BPTF: variants seen among roughly 807,000 people sequenced by gnomAD.
BPTF encodes the protein bromodomain PHD finger transcription factor.
In BPTF, 18 loss-of-function variants were observed where a neutral mutation model predicts 292.5. The observed-to-expected ratio is 0.06, with a 90% confidence interval of 0.04 to 0.09. The LOEUF is 0.09. Among genes scored for constraint, BPTF ranks in the 10% least tolerant of loss-of-function variants. The probability of loss-of-function intolerance (pLI) is 1.00; values close to 1 mark genes in which losing one functional copy is unlikely to be tolerated. For synonymous variants in BPTF, 1,225 were observed against 1,251.9 expected, an observed-to-expected ratio of 0.98 and a Z score of 0.45; for missense variants, 2,726 against 3,498.7, an observed-to-expected ratio of 0.78 and a Z score of 5.57.
At chr17:67,861,053 A>C (rs1367592357) in intron 2 of BPTF, among the ~76,000 whole-genome samples, 4 of 152,146 alleles carry the variant, frequency 2.6e-5, no homozygotes, top group Non-Finnish European at 4.4e-5. Context: ...CAAGGCAGGC[A>C]CCTCAAACGT....
chr17:67,932,878 T>G (rs1342396387), intron 18 of BPTF, among the ~76,000 whole-genome samples: 1 of 152,068 alleles, frequency 6.6e-6, no homozygotes, highest in African/African-American at 2.4e-5. Flanking sequence ...ATGGCCCTAC[T>G]GATACTGGGC....
rs2062709475 is a variant in BPTF, at chr17:67,912,346, C to T, written c.4462C>T (p.Leu1488=). The change falls in exon 11 of 28, where the codon CTG becomes TTG. Residue 1488 remains leucine (L), a synonymous_variant. Coordinates refer to ENST00000306378, the MANE Select transcript of BPTF (RefSeq NM_182641.4). ...CAGCTCCGAAACAAAATCGCATTTG[C>T]TGAGTTCTTCAGATGCTGAAGGTAA... ...RNSSETKSHL[L]SSSDAEGNYR... 3 of 1,614,004 alleles carry T rather than the reference C, an allele frequency of 1.9e-6. No individual in the cohort carries two copies. The highest frequency in any genetic ancestry group is 2.5e-6 in the Non-Finnish European group (3 of 1,179,958).
chr17:67,939,043 G>A (rs1439930300), intron 18 of BPTF, among the ~76,000 whole-genome samples: 3 of 152,168 alleles, frequency 2.0e-5, no homozygotes, highest in Non-Finnish European at 4.4e-5. Context: ...GGCACACAGA[G>A]CTGGCAGTAG....
intron 1 of BPTF, among the ~76,000 whole-genome samples, chr17:67,849,055 C>T (rs2058226996): frequency 6.6e-6 from 1 of 152,172 alleles, no homozygotes; most frequent in South Asian, 2.1e-4. Context: ...AATCGTGCCT[C>T]CTGAGGCATC....
chr17:67,881,354 T>G (rs2060387832), intron 4 of BPTF, among the ~76,000 whole-genome samples: 2 of 152,102 alleles, frequency 1.3e-5, no homozygotes, highest in African/African-American at 4.8e-5. Flanking sequence ...TTAATTGATA[T>G]TGTATCCCAT....
At chr17:67,868,576 T>G (rs2059523958) in intron 3 of BPTF, among the ~76,000 whole-genome samples, 1 of 152,238 alleles carries the variant, frequency 6.6e-6, no homozygotes, top group South Asian at 2.1e-4. Context: ...GGGCTGACTA[T>G]AGTGCCTTTT....
chr17:67,979,744 A>G (rs142726031), intron 27 of BPTF, among the ~76,000 whole-genome samples: 1 of 152,246 alleles, frequency 6.6e-6, no homozygotes, highest in East Asian at 1.9e-4. Flanking sequence ...AAATAGCAGT[A>G]TAAGAAATTA....
In BPTF at chr17:67,972,863, G is replaced by A. The variant is rs1011768521; in HGVS notation, c.8540-2909G>A. On this transcript the variant is annotated intron_variant, in intron 26 of 27. Transcript: ENST00000306378. ...AACCAAGAATGTCCTAGTGTGATGT[G>A]TGCGTTCTTTCCTGAACACCTTACA... Among the ~76,000 whole-genome samples the A allele has an allele frequency of 2.0e-5, 3 of 151,666 alleles. No individual in the cohort carries two copies. In the East Asian group the frequency reaches 5.8e-4, roughly 29 times the overall value.
intron 1 of BPTF, among the ~76,000 whole-genome samples, chr17:67,852,438 C>T (rs889951134): frequency 1.3e-5 from 2 of 148,924 alleles, no homozygotes; most frequent in African/African-American, 5.1e-5. Flanking sequence ...TATATATATA[C>T]CTTATCACTA....
At chr17:67,919,891 A>T in intron 12 of BPTF, 124 bp from the exon 13 acceptor site, 1 of 827,240 alleles carries the variant, frequency 1.2e-6, no homozygotes, top group Non-Finnish European at 1.9e-6. Context: ...TGATCCTGTT[A>T]ATTAAGTCAG....
At chr17:67,979,923 C>T (rs1428706897) in intron 27 of BPTF, among the ~76,000 whole-genome samples, 2 of 151,908 alleles carry the variant, frequency 1.3e-5, no homozygotes, top group East Asian at 1.9e-4. Flanking sequence ...GCTTATAAGT[C>T]TCAGCTACTT....
rs2143456622 is a variant in BPTF at position 67,826,088 on chromosome 17, A to C, written c.364A>C (p.Asn122His). ...GACCACCGCGGCCCGGAGGGCCGTC[A>C]ACAAAGTGGTGTACGATGACCACGA... is the stretch of plus-strand genomic sequence containing the variant. ...ARTTAARRAVNKVVYDDHESE... is the reference protein window; with the variant it reads ...ARTTAARRAVHKVVYDDHESE... Residue 122 changes from asparagine to histidine, a missense_variant, in exon 1 of 28, where the codon AAC (asparagine) becomes CAC (histidine). Transcript: ENST00000306378. 1 of 1,329,190 alleles carries C rather than the reference A, an allele frequency of 7.5e-7. No homozygotes were observed. The highest frequency in any genetic ancestry group is 1.5e-5 in the African/African-American group (1 of 66,982). The allele number at this position is 1,329,190 out of a possible 1,614,324, so 82.3% of individuals were successfully genotyped here.
chr17:67,979,883 TA>T (rs1174722268), intron 27 of BPTF, among the ~76,000 whole-genome samples: 1 of 146,764 alleles, frequency 6.8e-6, no homozygotes. Flanking sequence ...TACACTAAAA[TA>T]AAAAAATTAG....
Position 67,866,613 on chromosome 17 carries a change from G to A in BPTF, c.1586G>A (p.Arg529Gln), listed in dbSNP as rs375214270. 4 of 1,613,802 alleles carry A rather than the reference G, an allele frequency of 2.5e-6. No homozygotes were observed. The highest frequency in any genetic ancestry group is 1.3e-5 in the African/African-American group (1 of 74,904). The change falls in exon 3 of 28, where the codon CGA (arginine) becomes CAA (glutamine). Residue 529 changes from arginine (R) to glutamine (Q), a missense_variant. By Grantham distance (43) the Arg-to-Gln change is conservative. This residue lies in a region of BPTF where 187 missense variants were observed against 201.5 expected (regional missense o/e 0.93). Coordinates refer to ENST00000306378, the MANE Select transcript of BPTF (RefSeq NM_182641.4). ...GAAGAAATGCGTGAAGAAATCCACC[G>A]ACACATGGACATAACTGAAGACCTG... The part of the protein sequence containing the change: ...ILEEMREEIH[R>Q]HMDITEDLTN...
intron 2 of BPTF, among the ~76,000 whole-genome samples, chr17:67,859,871 A>G (rs1208652564): frequency 6.6e-6 from 1 of 152,222 alleles, no homozygotes; most frequent in Non-Finnish European, 1.5e-5. Context: ...AGCAAAATAT[A>G]TACTATTCGA....
rs117725031 is a variant in BPTF, at chr17:67,936,452, G to A, written c.6260-3987G>A. On this transcript the variant is annotated intron_variant, in intron 18 of 27. Transcript: ENST00000306378. ...GTTGTGGTAAATTGCCAGAGAAACTGTAAATGCTGGTATTACTATGGATAC... is the reference window on the plus strand; with the variant it reads ...GTTGTGGTAAATTGCCAGAGAAACTATAAATGCTGGTATTACTATGGATAC... Among the ~76,000 whole-genome samples the A allele has an allele frequency of 5.9e-5, 9 of 152,292 alleles. No individual in the cohort carries two copies. The East Asian group carries it at 1.7e-3, about 29-fold the overall frequency.
At position 67,949,280 on chromosome 17, in the gene BPTF, A is replaced by G. The variant is rs555014646; in HGVS notation, c.7926+974A>G. Among the ~76,000 whole-genome samples, 3 of 152,200 alleles carry G rather than the reference A, an allele frequency of 2.0e-5. No individual in the cohort carries two copies. The South Asian group carries it at 6.2e-4, about 32-fold the overall frequency. On this transcript the variant is annotated intron_variant, in intron 23 of 27. Transcript: ENST00000306378. ...CTTGGGAGGCTAAGGCAGGATGATC[A>G]CTTGAACCCGGAAAGCAGAGGTTGC...
At chr17:67,864,980 G>A (rs1274696391) in intron 2 of BPTF, among the ~76,000 whole-genome samples, 2 of 151,862 alleles carry the variant, frequency 1.3e-5, no homozygotes, top group African/African-American at 2.4e-5. Flanking sequence ...AATTTTTTTT[G>A]TATTTTTAGT....
At position 67,911,975 on chromosome 17, in the gene BPTF, A is replaced by G. The variant is rs900239514; in HGVS notation, c.4091A>G (p.Gln1364Arg). The change falls in exon 11 of 28, where the codon CAG becomes CGG. Residue 1364 changes from glutamine (Q) to arginine (R), a missense_variant. Coordinates refer to ENST00000306378, the MANE Select transcript of BPTF (RefSeq NM_182641.4). ...GCAAATGGTAAAAAACCAAGTCAGCAGAAGAAATTAGAGGAGAGACCAGTT... is the reference window on the plus strand; with the variant it reads ...GCAAATGGTAAAAAACCAAGTCAGCGGAAGAAATTAGAGGAGAGACCAGTT... Reference protein sequence around the residue: ...TEANGKKPSQQKKLEERPVNK... With the variant: ...TEANGKKPSQRKKLEERPVNK... 1 of 1,614,138 alleles carries G rather than the reference A, an allele frequency of 6.2e-7. No homozygotes were observed. The highest frequency in any genetic ancestry group is 1.7e-5 in the Admixed American group (1 of 60,016).
Sources: allele counts gnomAD v4.1 joint callset (sites outside exome capture counted in the v4.1 genomes callset), GRCh38; gene constraint gnomAD v4.1.1; regional missense constraint gnomAD v4.1.1; transcripts MANE v1.5; gene names NCBI Gene and HGNC (gene_info 2026-07-23, HGNC 2026-07-21).